The following PRUNE2 variants were observed in gnomAD, a reference collection of about 807,000 sequenced individuals.
PRUNE2 encodes prune homolog 2 with BCH domain.
A neutral mutation model predicts 252.0 loss-of-function variants in PRUNE2; 164 were observed. The ratio of observed to expected loss-of-function variants is 0.65; its 90% confidence interval spans 0.57 to 0.74. The LOEUF is 0.74. Ranked by LOEUF, PRUNE2 falls within the 30% of genes least tolerant of loss-of-function variation. The pLI is 0.00. For synonymous variants in PRUNE2, 1,292 were observed against 1,350.2 expected (o/e 0.96, Z 0.94); for missense variants, 3,495 against 3,711.0 (o/e 0.94, Z 1.51).
intron 9 of PRUNE2, among the ~76,000 whole-genome samples, chr9:76,683,698 C>A (rs1162680338): frequency 6.6e-6 from 1 of 152,014 alleles, no homozygotes; most frequent in Non-Finnish European, 1.5e-5. Context: ...TGGATGAATG[C>A]ATTTCGTTTA....
At position 76,613,759 on chromosome 9, in the gene PRUNE2, A is replaced by G. The variant is rs555904599; in HGVS notation, c.*811T>C. On this transcript the variant is annotated 3_prime_UTR_variant, in exon 19 of 19. Coordinates refer to ENST00000376718, the MANE Select transcript of PRUNE2 (RefSeq NM_015225.3). ...TTCATGAATAACTGAATGCTACCAA[A>G]TGATTTTTGAGTAGGCCACCTTGCA... The G allele has an allele frequency of 2.0e-5, 3 of 152,320 alleles. No homozygotes were observed. Among genetic ancestry groups the G allele is most frequent in the Middle Eastern group, 3.4e-3 (1 of 294 alleles). 9.4% of individuals were successfully genotyped at this position (152,320 alleles called of 1,614,324 possible).
chr9:76,710,373 AT>A lies in PRUNE2; in HGVS notation c.1900del (p.Met634Ter). On this transcript the variant is annotated frameshift_variant, in exon 8 of 19. Transcript: ENST00000376718. LOFTEE classifies it high-confidence loss of function. Reference sequence around the variant, plus strand: ...ACCTGTGTCAGTTGCTTTTTGGGTCATATCTTCTGTATAGAGTGAGGCTGGT... The same window carrying A: ...ACCTGTGTCAGTTGCTTTTTGGGTCAATCTTCTGTATAGAGTGAGGCTGGT... ...EEPASLYTED[M>X]TQKATDTGHM... 6.2e-7 allele frequency: 1 copy of A among 1,613,972 alleles called. No individual in the cohort carries two copies. Among genetic ancestry groups the A allele is most frequent in the Non-Finnish European group, 8.5e-7 (1 of 1,179,882 alleles).
intron 1 of PRUNE2, chr9:76,863,012 A>T (rs2060639672): frequency 6.6e-6 from 1 of 152,234 alleles, no homozygotes; most frequent in South Asian, 2.1e-4. Context: ...GAATGAGTGA[A>T]TGATGATAAC....
chr9:76,867,341 G>A (rs2060909165), intron 1 of PRUNE2, among the ~76,000 whole-genome samples: 1 of 151,878 alleles, frequency 6.6e-6, no homozygotes, highest in South Asian at 2.1e-4. Context: ...AAAACGAACC[G>A]CATCAGACCA....
In PRUNE2 at chr9:76,709,219, A is replaced by ATGACTGTTGGAG. The variant is rs1554716098; in HGVS notation, c.3054_3055insCTCCAACAGTCA (p.Leu1015_Ser1018dup). Reference sequence around the variant, plus strand: ...GGACCTGAACTGATTCGATTTCGAGATGACTGTTGCAGTGACTGAGGAGGA... The same window carrying ATGACTGTTGGAG: ...GGACCTGAACTGATTCGATTTCGAGATGACTGTTGGAGTGACTGTTGCAGTGACTGAGGAGGA... On this transcript the variant is annotated inframe_insertion, in exon 8 of 19. Transcript: ENST00000376718. 1.9e-6 allele frequency: 3 copies of ATGACTGTTGGAG among 1,610,434 alleles called. No homozygotes were observed. The highest frequency in any genetic ancestry group is 2.5e-6 in the Non-Finnish European group (3 of 1,177,404).
intron 13 of PRUNE2, 53 bp downstream of exon 13, chr9:76,638,133 C>A: frequency 9.1e-7 from 1 of 1,095,552 alleles, no homozygotes; most frequent in South Asian, 1.3e-5. Context: ...CTCTATCTGC[C>A]ATTACATGCC....
intron 6 of PRUNE2, among the ~76,000 whole-genome samples, chr9:76,777,998 T>C (rs983213370): frequency 6.6e-6 from 1 of 152,132 alleles, no homozygotes; most frequent in African/African-American, 2.4e-5. Context: ...GGAAGGATAA[T>C]AAACAGTAGG....
chr9:76,641,449 GTTTAAA>G (rs1235100511), intron 12 of PRUNE2, among the ~76,000 whole-genome samples: 10 of 152,160 alleles, frequency 6.6e-5, no homozygotes, highest in African/African-American at 2.4e-4. Flanking sequence ...GCTAAAAAAA[GTTTAAA>G]TTTAAATTTA....
In PRUNE2 at chr9:76,652,675, TAGG is replaced by T. The variant is rs1302081924; in HGVS notation, c.8362_8364del (p.Pro2788del). The T allele has an allele frequency of 6.2e-7, 1 of 1,607,096 alleles. No individual in the cohort carries two copies. Among genetic ancestry groups the T allele is most frequent in the African/African-American group, 1.3e-5 (1 of 74,746 alleles). On this transcript the variant is annotated inframe_deletion, in exon 11 of 19. Transcript: ENST00000376718. Reference sequence around the variant, plus strand: ...TGAGTGTCATTAAGATCCAGAGAATTAGGAGGTTCTAAAGAAGAAAGAGAACAG... The same window carrying T: ...TGAGTGTCATTAAGATCCAGAGAATTAGGTTCTAAAGAAGAAAGAGAACAG...
At position 76,710,680 on chromosome 9, in the gene PRUNE2, G is replaced by A; in HGVS notation, c.1594C>T (p.Leu532Phe). The change falls in exon 8 of 19, where the codon CTC becomes TTC. Residue 532 changes from leucine to phenylalanine, a missense_variant. Transcript: ENST00000376718. The stretch of plus-strand genomic sequence containing the variant: ...TCAAGTCCTTCAGGCCCAGCGGGGA[G>A]CTGTCCTTCTGACAGGTCACTGTTG... Reference protein sequence around the residue: ...FPNSDLSEGQLPAGPEGLDGM... With the variant: ...FPNSDLSEGQFPAGPEGLDGM... 2 of 1,612,396 alleles carry A rather than the reference G, an allele frequency of 1.2e-6. No homozygotes were observed. Among genetic ancestry groups the A allele is most frequent in the East Asian group, 2.2e-5 (1 of 44,868 alleles).
At position 76,710,765 on chromosome 9, in the gene PRUNE2, A is replaced by G. The variant is rs1422089355; in HGVS notation, c.1509T>C (p.Ser503=). 4 of 1,607,602 alleles carry G rather than the reference A, an allele frequency of 2.5e-6. No homozygotes were observed. In the African/African-American group the frequency reaches 4.0e-5, roughly 16 times the overall value. The change falls in exon 8 of 19, where the codon TCT becomes TCC. Residue 503 remains serine (S), a synonymous_variant. Coordinates refer to ENST00000376718, the MANE Select transcript of PRUNE2 (RefSeq NM_015225.3). ...LFNFDPAPMA[S]GQSQQSSHSA... is the part of the protein sequence containing the mutation. Reference sequence around the variant, plus strand: ...AATGAGAAGATTGCTGGGACTGCCCAGAAGCCATGGGTGCTGGGTCAAAAT... The same window carrying G: ...AATGAGAAGATTGCTGGGACTGCCCGGAAGCCATGGGTGCTGGGTCAAAAT...
chr9:76,795,175 A>T (rs1589268752), intron 6 of PRUNE2, among the ~76,000 whole-genome samples: 2 of 152,084 alleles, frequency 1.3e-5, no homozygotes, highest in East Asian at 3.9e-4. Context: ...ATATGCATGA[A>T]CTATTACTCT....
Position 76,708,314 on chromosome 9 carries a change from G to A in PRUNE2, c.3960C>T (p.Gly1320=), listed in dbSNP as rs761418686. 3.1e-5 allele frequency: 50 copies of A among 1,613,502 alleles called. No individual in the cohort carries two copies. The highest frequency in any genetic ancestry group is 2.5e-4 in the South Asian group (23 of 91,078). ...FPHPDPWKGH[G]DGQSESEKEA... ...CCTTCTCACTTTCACTTTGTCCATCGCCATGACCTTTCCATGGATCTGGGT... is the reference window on the plus strand; with the variant it reads ...CCTTCTCACTTTCACTTTGTCCATCACCATGACCTTTCCATGGATCTGGGT... Residue 1320 remains glycine (G), a synonymous_variant, in exon 8 of 19, where the codon GGC becomes GGT. Transcript: ENST00000376718.
chr9:76,818,022 T>C (rs913405874), intron 6 of PRUNE2, among the ~76,000 whole-genome samples: 1 of 152,212 alleles, frequency 6.6e-6, no homozygotes, highest in Non-Finnish European at 1.5e-5. Context: ...GCAAATCATA[T>C]GCTCACCAAT....
intron 4 of PRUNE2, among the ~76,000 whole-genome samples, chr9:76,839,843 C>T (rs1003029645): frequency 1.3e-5 from 2 of 152,128 alleles, no homozygotes; most frequent in African/African-American, 4.8e-5. Context: ...GTCAGCAGGA[C>T]TGCTGATGGA....
rs540829377 is a variant in PRUNE2 at position 76,831,079 on chromosome 9, G to A, written c.509-4347C>T. Among the ~76,000 whole-genome samples the A allele has an allele frequency of 3.4e-3, 524 of 151,944 alleles. 4 individuals carry two copies. Among genetic ancestry groups the A allele is most frequent in the African/African-American group, 0.012 (497 of 41,434 alleles). ...CAAGTAGCTGGGACTACAGGCACCC[G>A]CCACCACGCCCAGCTAATTTTTTGT... On this transcript the variant is annotated intron_variant, in intron 4 of 18. Coordinates refer to ENST00000376718, the MANE Select transcript of PRUNE2 (RefSeq NM_015225.3).
intron 1 of PRUNE2, among the ~76,000 whole-genome samples, chr9:76,877,466 C>A (rs1334801334): frequency 6.6e-6 from 1 of 152,020 alleles, no homozygotes; most frequent in Non-Finnish European, 1.5e-5. Flanking sequence ...TGACTCCAGC[C>A]TGGGTGACAG....
At chr9:76,813,838 A>T (rs1173416284) in intron 6 of PRUNE2, among the ~76,000 whole-genome samples, 2 of 152,198 alleles carry the variant, frequency 1.3e-5, no homozygotes, top group African/African-American at 4.8e-5. Flanking sequence ...TTTATATGAG[A>T]CAGAGTCTCT....
At chr9:76,748,035 A>T (rs1025110611) in intron 6 of PRUNE2, among the ~76,000 whole-genome samples, 3 of 151,946 alleles carry the variant, frequency 2.0e-5, no homozygotes, top group African/African-American at 7.3e-5. Context: ...CGACCTCATG[A>T]TCCACCCATC....
Sources: allele counts gnomAD v4.1 joint callset (sites outside exome capture counted in the v4.1 genomes callset), GRCh38; gene constraint gnomAD v4.1.1; transcripts MANE v1.5; gene names NCBI Gene and HGNC (gene_info 2026-07-23, HGNC 2026-07-21).